The following CHST1 variants were observed in gnomAD, a reference collection of about 807,000 sequenced individuals.
The protein encoded by CHST1 is carbohydrate sulfotransferase 1.
CHST1 carries 10 observed loss-of-function variants against 22.5 expected under a neutral mutation model. The ratio of observed to expected loss-of-function variants is 0.44; its 90% CI spans 0.27 to 0.75. CHST1 has a LOEUF of 0.75. CHST1 is among the 30% of genes least tolerant of loss of function. The probability of loss-of-function intolerance (pLI) is 0.15; values close to 1 mark genes in which losing one functional copy is unlikely to be tolerated. For synonymous variants in CHST1, 267 were observed against 264.5 expected (o/e 1.01, Z -0.09); for missense variants, 439 against 576.1 (o/e 0.76, Z 2.44).
intron 3 of CHST1, chr11:45,651,271 C>T (rs1851996086): frequency 9.8e-6 from 2 of 204,886 alleles, no homozygotes. Context: ...GCCTGACTCC[C>T]CCTACTCCCA....
chr11:45,651,196 C>A (rs1851994994), intron 3 of CHST1: 1 of 364,972 alleles, frequency 2.7e-6, no homozygotes, highest in Non-Finnish European at 4.9e-6. Context: ...ATTTAACCTG[C>A]GGACAGCTGC....
chr11:45,662,933 G>T (rs528709187), intron 1 of CHST1, among the ~76,000 whole-genome samples: 1 of 152,214 alleles, frequency 6.6e-6, no homozygotes, highest in Admixed American at 6.5e-5. Flanking sequence ...AAGGGAGTTG[G>T]TCCAAGTCCC....
At chr11:45,663,679 C>T (rs1459555893) in intron 1 of CHST1, among the ~76,000 whole-genome samples, 2 of 152,068 alleles carry the variant, frequency 1.3e-5, no homozygotes, top group South Asian at 2.1e-4. Flanking sequence ...CCCTCCCCAC[C>T]CCATCACTGT....
intron 1 of CHST1, among the ~76,000 whole-genome samples, chr11:45,653,245 G>A (rs948181133): frequency 2.6e-5 from 4 of 152,038 alleles, no homozygotes; most frequent in East Asian, 1.9e-4. Flanking sequence ...AAGCACTCTC[G>A]GAGGTCAGGG....
At position 45,650,417 on chromosome 11, in the gene CHST1, C is replaced by G. The variant is rs769631706; in HGVS notation, c.507G>C (p.Pro169=). The change falls in exon 4 of 4, where the codon CCG becomes CCC. Residue 169 remains proline (P), a synonymous_variant. Transcript: ENST00000308064. The stretch of plus-strand genomic sequence containing the variant: ...CCTCCAGGACCAGGTCGGCTGGCCC[C>G]GGAGGGTCGCACACAGGCCGGGAGC... ...VLCSRPVCDP[P]GPADLVLEEG... is the part of the protein sequence containing the mutation. 3.7e-6 allele frequency: 6 copies of G among 1,607,558 alleles called. No homozygotes were observed. The East Asian group carries it at 6.7e-5, about 18-fold the overall frequency.
chr11:45,654,032 C>T (rs1348082894), intron 1 of CHST1, among the ~76,000 whole-genome samples: 2 of 152,230 alleles, frequency 1.3e-5, no homozygotes, highest in East Asian at 3.8e-4. Context: ...CCTAATTCCA[C>T]TCATATTACA....
chr11:45,658,775 A>G (rs893813611), intron 1 of CHST1, among the ~76,000 whole-genome samples: 1 of 151,952 alleles, frequency 6.6e-6, no homozygotes, highest in Non-Finnish European at 1.5e-5. Flanking sequence ...CACTGGGCGG[A>G]AAAGCCCCGG....
intron 1 of CHST1, among the ~76,000 whole-genome samples, chr11:45,662,567 G>T (rs895733): frequency 0.39 from 58,910 of 152,044 alleles, 12,476 homozygotes; most frequent in East Asian, 0.5. Flanking sequence ...AAGGATCTAG[G>T]TGAGCATGCT....
Position 45,649,701 on chromosome 11 carries a change from CG to C in CHST1, c.1222del (p.Arg408AlafsTer75). 1 of 1,576,570 alleles carries C rather than the reference CG, an allele frequency of 6.3e-7. No homozygotes were observed. The highest frequency in any genetic ancestry group is 8.6e-7 in the Non-Finnish European group (1 of 1,164,080). ...SVSLVEERDF[R>X]PFS ...GCACCGCCCGGGTCACGAGAAGGGG[CG>C]GAAGTCCCGCTCCTCCACCAGGCTG... On this transcript the variant is annotated frameshift_variant, in exon 4 of 4. Coordinates refer to ENST00000308064, the MANE Select transcript of CHST1 (RefSeq NM_003654.6). LOFTEE classifies it high-confidence loss of function.
intron 1 of CHST1, 30 bp from the exon 2 acceptor site, chr11:45,652,636 A>T (rs1227775289): frequency 6.6e-6 from 1 of 152,242 alleles, no homozygotes; most frequent in African/African-American, 2.4e-5. Context: ...TGGACCAGGG[A>T]GCATTCCTGA....
chr11:45,662,068 T>C (rs927256903), intron 1 of CHST1, among the ~76,000 whole-genome samples: 1 of 152,192 alleles, frequency 6.6e-6, no homozygotes, highest in African/African-American at 2.4e-5. Context: ...TAGGAGAGTG[T>C]GCAGGATCTG....
At chr11:45,661,559 G>C (rs1449116178) in intron 1 of CHST1, among the ~76,000 whole-genome samples, 1 of 152,234 alleles carries the variant, frequency 6.6e-6, no homozygotes, top group Non-Finnish European at 1.5e-5. Flanking sequence ...GAAGGGAAGG[G>C]CATCCCCAGG....
At chr11:45,662,438 A>G (rs1852146687) in intron 1 of CHST1, among the ~76,000 whole-genome samples, 1 of 152,228 alleles carries the variant, frequency 6.6e-6, no homozygotes. Flanking sequence ...AATGCTCCGT[A>G]GAAAAAAATG....
At position 45,650,558 on chromosome 11, in the gene CHST1, G is replaced by A; in HGVS notation, c.366C>T (p.Asp122=). 6.2e-7 allele frequency: 1 copy of A among 1,613,932 alleles called. No individual in the cohort carries two copies. The highest frequency in any genetic ancestry group is 8.5e-7 in the Non-Finnish European group (1 of 1,179,990). The change falls in exon 4 of 4, where the codon GAC becomes GAT. Residue 122 remains aspartate (D), a synonymous_variant. Coordinates refer to ENST00000308064, the MANE Select transcript of CHST1 (RefSeq NM_003654.6). ...CGCAGTCGTAGAGGCTCCGCAGGAG[G>A]TCGCGGCTGGCGCCTAGCATGACCC... ...DRRVMLGASR[D]LLRSLYDCDL...
intron 1 of CHST1, among the ~76,000 whole-genome samples, chr11:45,655,660 G>A (rs537317192): frequency 5.9e-5 from 9 of 152,350 alleles, no homozygotes; most frequent in Non-Finnish European, 1.0e-4. Flanking sequence ...AGGCAGCCTC[G>A]CCTTCTCCCA....
Position 45,650,389 on chromosome 11 carries a change from C to T in CHST1, c.535G>A (p.Gly179Arg), listed in dbSNP as rs1169180536. The T allele has an allele frequency of 6.2e-7, 1 of 1,604,690 alleles. No homozygotes were observed. The highest frequency in any genetic ancestry group is 1.1e-5 in the South Asian group (1 of 91,044). The change falls in exon 4 of 4, where the codon GGG becomes AGG. Residue 179 changes from glycine to arginine, a missense_variant. Gly to Arg is a moderately radical substitution (Grantham distance 125). Transcript: ENST00000308064. ...PGPADLVLEEGDCVRKCGLLN... is the reference protein window; with the variant it reads ...PGPADLVLEERDCVRKCGLLN... ...AGCCCGCACTTGCGCACACAGTCCC[C>T]CTCCTCCAGGACCAGGTCGGCTGGC... is the stretch of plus-strand genomic sequence containing the variant.
chr11:45,651,070 T>C (rs1851993326), intron 3 of CHST1, 105 bp from the exon 4 acceptor site: 2 of 772,358 alleles, frequency 2.6e-6, no homozygotes, highest in African/African-American at 1.8e-5. Context: ...GCCCGGCTCC[T>C]GTCCAGTGCT....
intron 1 of CHST1, among the ~76,000 whole-genome samples, chr11:45,653,794 G>C (rs891127865): frequency 2.0e-5 from 3 of 152,178 alleles, no homozygotes; most frequent in African/African-American, 7.2e-5. Flanking sequence ...GCAAGCACTT[G>C]CTGGGCATTC....
intron 1 of CHST1, among the ~76,000 whole-genome samples, chr11:45,655,942 G>A (rs1326166183): frequency 6.6e-6 from 1 of 152,202 alleles, no homozygotes; most frequent in Non-Finnish European, 1.5e-5. Context: ...CCCTCCATTG[G>A]GAGTGGGAAA....
Sources: gnomAD v4.1 joint callset for allele counts (sites outside exome capture counted in the v4.1 genomes callset) on GRCh38, gnomAD v4.1.1 for gene constraint, MANE v1.5 for transcripts, NCBI Gene and HGNC (gene_info 2026-07-23, HGNC 2026-07-21) for gene names.